The following PDE1A variants were observed in gnomAD, a reference collection of about 807,000 sequenced individuals.
PDE1A encodes dual specificity calcium/calmodulin-dependent 3',5'-cyclic nucleotide phosphodiesterase 1A.
In PDE1A, 35 loss-of-function variants were observed where a neutral mutation model predicts 61.7. The observed-to-expected ratio is 0.57, with a 90% CI of 0.43 to 0.75. The LOEUF is 0.75. Among genes scored for constraint, PDE1A ranks in the 30% least tolerant of loss-of-function variants. The pLI, the probability that PDE1A is intolerant of heterozygous loss-of-function variation, is 0.00. For missense variants in PDE1A, 597 were observed against 630.6 expected (o/e 0.95, Z 0.57); for synonymous variants, 232 against 213.2 (o/e 1.09, Z -0.77).
At chr2:182,443,125 T>C (rs1203708743) in intron 2 of PDE1A, among the ~76,000 whole-genome samples, 1 of 151,964 alleles carries the variant, frequency 6.6e-6, no homozygotes, top group Non-Finnish European at 1.5e-5. Flanking sequence ...CACATGCCAT[T>C]GTTTTTCTAA....
intron 3 of PDE1A, among the ~76,000 whole-genome samples, chr2:182,235,342 C>G (rs994288761): frequency 6.6e-6 from 1 of 152,158 alleles, no homozygotes; most frequent in East Asian, 1.9e-4. Context: ...CAGGGTTTCA[C>G]CATGTTGGTC....
chr2:182,327,869 A>G (rs1222223903), intron 1 of PDE1A, among the ~76,000 whole-genome samples: 2 of 152,232 alleles, frequency 1.3e-5, no homozygotes, highest in African/African-American at 4.8e-5. Context: ...TCTGTGCTGA[A>G]AGCACTAAAC....
chr2:182,396,661 A>C (rs1309594623), intron 1 of PDE1A, among the ~76,000 whole-genome samples: 1 of 151,932 alleles, frequency 6.6e-6, no homozygotes, highest in African/African-American at 2.4e-5. Flanking sequence ...ACTTCATGTC[A>C]TTATTTAAGT....
intron 2 of PDE1A, among the ~76,000 whole-genome samples, chr2:182,470,452 A>G (rs1574736825): frequency 6.6e-6 from 1 of 151,902 alleles, no homozygotes; most frequent in South Asian, 2.1e-4. Context: ...AGCAAAAGCT[A>G]TTATAGAAAT....
upstream of PDE1A, among the ~76,000 whole-genome samples, chr2:182,427,819 A>G (rs1030928330): frequency 2.0e-5 from 3 of 152,210 alleles, no homozygotes; most frequent in Admixed American, 2.0e-4. Context: ...ATGTCATAAG[A>G]TTCCAGGTCA....
chr2:182,534,758 GA>G, the PDE1A span, among the ~76,000 whole-genome samples: 25 of 150,946 alleles, frequency 1.7e-4, no homozygotes, highest in Non-Finnish European at 3.7e-4. Flanking sequence ...AATTTTTATT[GA>G]ATTTTTTATG....
At chr2:182,356,602 T>C (rs894190069) in intron 1 of PDE1A, among the ~76,000 whole-genome samples, 3 of 151,710 alleles carry the variant, frequency 2.0e-5, no homozygotes, top group African/African-American at 7.3e-5. Flanking sequence ...ATACAAAAAT[T>C]AGTGGGGTGT....
At chr2:182,517,079 A>T (rs568728149) in intron 2 of PDE1A, among the ~76,000 whole-genome samples, 1 of 152,280 alleles carries the variant, frequency 6.6e-6, no homozygotes, top group South Asian at 2.1e-4. Context: ...ATTGAGTTTT[A>T]AGGAGAACCA....
chr2:182,508,140 G>A (rs1391081756), intron 2 of PDE1A, among the ~76,000 whole-genome samples: 4 of 149,826 alleles, frequency 2.7e-5, no homozygotes, highest in Non-Finnish European at 4.4e-5. Context: ...AAAATTTTAT[G>A]ATTATCTCAA....
chr2:182,305,757 A>G lies in PDE1A; in HGVS notation c.54-41343T>C, dbSNP rs972407536. ...AGATAATTATTTTTATTATATTGTA[A>G]TTTGACAAATTATAATTGTATATAT... On this transcript the variant is annotated intron_variant, in intron 1 of 13. Coordinates refer to ENST00000351439, the Ensembl canonical transcript of PDE1A. Among the ~76,000 whole-genome samples the G allele has an allele frequency of 1.1e-4, 17 of 152,084 alleles. No homozygotes were observed. The South Asian group carries it at 3.5e-3, about 32-fold the overall frequency.
the PDE1A span, among the ~76,000 whole-genome samples, chr2:182,658,588 G>A: frequency 6.6e-6 from 1 of 152,172 alleles, no homozygotes; most frequent in Admixed American, 6.5e-5. Context: ...TAGCATAGGT[G>A]GATTCCACAG....
intron 4 of PDE1A, among the ~76,000 whole-genome samples, chr2:182,234,221 TTGA>T (rs1167762959): frequency 1.3e-5 from 2 of 152,152 alleles, no homozygotes; most frequent in Non-Finnish European, 2.9e-5. Context: ...TATATATATG[TTGA>T]TATAGTTTGT....
At chr2:182,343,744 G>T (rs943701402) in intron 1 of PDE1A, among the ~76,000 whole-genome samples, 1 of 152,044 alleles carries the variant, frequency 6.6e-6, no homozygotes, top group Non-Finnish European at 1.5e-5. Context: ...TAGTAATTAA[G>T]ATATTAAATG....
chr2:182,423,947 C>CCTTTT (rs1053160962), intron 1 of PDE1A, among the ~76,000 whole-genome samples: 5 of 134,300 alleles, frequency 3.7e-5, no homozygotes, highest in African/African-American at 1.1e-4. Flanking sequence ...CTGGATTAAC[C>CCTTTT]TTTTTTTTTT....
intron 1 of PDE1A, among the ~76,000 whole-genome samples, chr2:182,274,436 G>T (rs907281674): frequency 1.3e-5 from 2 of 151,834 alleles, no homozygotes; most frequent in African/African-American, 4.8e-5. Context: ...TCTAAAAACA[G>T]AAATATTTCC....
intron 1 of PDE1A, among the ~76,000 whole-genome samples, chr2:182,419,655 C>T: frequency 6.6e-6 from 1 of 152,166 alleles, no homozygotes; most frequent in East Asian, 1.9e-4. Context: ...CTGTGTGGAC[C>T]TAACAAAACA....
At chr2:182,527,420 T>C (rs1420149617), upstream of PDE1A, among the ~76,000 whole-genome samples, 1 of 137,678 alleles carries the variant, frequency 7.3e-6, no homozygotes, top group African/African-American at 2.7e-5. Flanking sequence ...AAGCCAGGCA[T>C]GGTAGTGTGT....
At chr2:182,531,765 T>C in the PDE1A span, among the ~76,000 whole-genome samples, 1 of 152,194 alleles carries the variant, frequency 6.6e-6, no homozygotes, top group Admixed American at 6.5e-5. Context: ...GTTTGTTACA[T>C]AGGTAAACAT....
intron 7 of PDE1A, among the ~76,000 whole-genome samples, chr2:182,221,520 C>G (rs1315962855): frequency 6.6e-6 from 1 of 151,946 alleles, no homozygotes; most frequent in Non-Finnish European, 1.5e-5. Context: ...GGTAGAAAAA[C>G]AACATTCCTG....
Sources: allele counts gnomAD v4.1 joint callset (sites outside exome capture counted in the v4.1 genomes callset), GRCh38; gene constraint gnomAD v4.1.1; transcripts MANE v1.5; gene names NCBI Gene and HGNC (gene_info 2026-07-23, HGNC 2026-07-21).